The following PAQR5 variants were observed in gnomAD, a reference collection of about 807,000 sequenced individuals.
PAQR5 encodes the protein progestin and adipoQ receptor family member 5, also known as membrane progestin receptor gamma.
Under a neutral mutation model 34.5 loss-of-function variants are expected in PAQR5, and 20 were observed. That is an observed-to-expected ratio of 0.58 (90% confidence interval 0.41 to 0.84). The LOEUF (loss-of-function observed/expected upper bound fraction) is 0.84, where lower values mean the gene tolerates loss of function less well. Ranked by LOEUF, PAQR5 falls within the 40% of genes least tolerant of loss-of-function variation. The pLI, the probability that PAQR5 is intolerant of heterozygous loss-of-function variation, is 0.00. For synonymous variants in PAQR5, 131 were observed against 155.6 expected, an observed-to-expected ratio of 0.84 and a Z score of 1.18; for missense variants, 378 against 412.7, an observed-to-expected ratio of 0.92 and a Z score of 0.73.
intron 1 of PAQR5, among the ~76,000 whole-genome samples, chr15:69,319,848 C>A (rs1014434345): frequency 1.3e-5 from 2 of 152,194 alleles, no homozygotes; most frequent in Non-Finnish European, 1.5e-5. Flanking sequence ...GGTTGCATGG[C>A]CTCCTCCAGG....
At chr15:69,334,120 C>T (rs990630488) in intron 1 of PAQR5, among the ~76,000 whole-genome samples, 5 of 152,132 alleles carry the variant, frequency 3.3e-5, no homozygotes, top group African/African-American at 1.2e-4. Flanking sequence ...CTCCACCTCC[C>T]GGGTTCAAGT....
rs1409076524 is a variant in PAQR5, at chr15:69,407,255, G to A, written c.*3433G>A. The A allele has an allele frequency of 2.0e-5, 3 of 152,158 alleles. No homozygotes were observed. The highest frequency in any genetic ancestry group is 7.2e-5 in the African/African-American group (3 of 41,422). 9.4% of individuals were successfully genotyped at this position (152,158 alleles called of 1,614,324 possible). ...AGGCTTCAGTGATCTTTCCACCTCA[G>A]CCTCCTGAGTAGCTGGGACTACAGG... On this transcript the variant is annotated 3_prime_UTR_variant, in exon 9 of 9. Coordinates refer to ENST00000395407, the MANE Select transcript of PAQR5 (RefSeq NM_017705.4).
At chr15:69,395,836 C>G (rs560741621) in intron 6 of PAQR5, among the ~76,000 whole-genome samples, 2 of 152,104 alleles carry the variant, frequency 1.3e-5, no homozygotes, top group East Asian at 3.9e-4. Context: ...TGGTACATGC[C>G]ATGTACCATG....
intron 1 of PAQR5, among the ~76,000 whole-genome samples, chr15:69,325,889 C>T (rs911653876): frequency 1.3e-5 from 2 of 152,150 alleles, no homozygotes; most frequent in African/African-American, 2.4e-5. Context: ...CCACATCATC[C>T]CATGAACCTG....
chr15:69,308,999 A>T (rs920895208), intron 1 of PAQR5, among the ~76,000 whole-genome samples: 1 of 152,198 alleles, frequency 6.6e-6, no homozygotes, highest in Non-Finnish European at 1.5e-5. Flanking sequence ...AATGAAACCA[A>T]CTAGAAGCTG....
chr15:69,307,552 G>A (rs919189373), intron 1 of PAQR5, among the ~76,000 whole-genome samples: 4 of 152,218 alleles, frequency 2.6e-5, no homozygotes, highest in Admixed American at 2.6e-4. Context: ...ATGAGGCCCT[G>A]AGGGTAGGAG....
chr15:69,324,328 C>A (rs891167455), intron 1 of PAQR5, among the ~76,000 whole-genome samples: 16 of 152,068 alleles, frequency 1.1e-4, no homozygotes, highest in African/African-American at 3.9e-4. Flanking sequence ...GGGCAGAAGG[C>A]ACAGGAGAGA....
chr15:69,380,793 C>T (rs1053498626), intron 4 of PAQR5, among the ~76,000 whole-genome samples: 1 of 152,186 alleles, frequency 6.6e-6, no homozygotes, highest in East Asian at 1.9e-4. Flanking sequence ...CACCACTGGT[C>T]GATGTAGACA....
rs1360531654 is a variant in PAQR5, at chr15:69,322,811, G to GGAAGAAGAAGAAGAAGAAGAAGAAGAA, written c.-276-14504_-276-14503insAGAAGAAGAAGAAGAAGAAGAAGAAGA. Among the ~76,000 whole-genome samples the GGAAGAAGAAGAAGAAGAAGAAGAAGAA allele has an allele frequency of 1.5e-3, 39 of 25,366 alleles. 9 individuals are homozygous for GGAAGAAGAAGAAGAAGAAGAAGAAGAA. The highest frequency in any genetic ancestry group is 3.1e-3 in the African/African-American group (34 of 10,836). 16.6% of individuals were successfully genotyped at this position (25,366 alleles called of 152,430 possible). A position where few individuals can be genotyped will look rare whatever the true frequency, so the allele number is the denominator to read the frequency against. ...ACGAGGAAGAAGAAGAAGAGGAAGA[G>GGAAGAAGAAGAAGAAGAAGAAGAAGAA]GAAGAAGAAGAAGAAGAAGAAGAAG... is the stretch of plus-strand genomic sequence containing the variant. On this transcript the variant is annotated intron_variant, in intron 1 of 8. Coordinates refer to ENST00000395407, the MANE Select transcript of PAQR5 (RefSeq NM_017705.4).
At chr15:69,326,635 C>T (rs1338872309) in intron 1 of PAQR5, among the ~76,000 whole-genome samples, 3 of 152,138 alleles carry the variant, frequency 2.0e-5, no homozygotes, top group Admixed American at 6.5e-5. Context: ...CGGGGTTTTG[C>T]CATGTTGGCC....
chr15:69,321,953 C>T (rs965047534), intron 1 of PAQR5, among the ~76,000 whole-genome samples: 2 of 152,090 alleles, frequency 1.3e-5, no homozygotes. Context: ...ATGATAGATA[C>T]CCTTGTACTG....
chr15:69,323,984 C>CGTAA (rs1566998884), intron 1 of PAQR5, among the ~76,000 whole-genome samples: 1 of 152,004 alleles, frequency 6.6e-6, no homozygotes, highest in African/African-American at 2.4e-5. Flanking sequence ...TGGATGTGGC[C>CGTAA]GTAAGTTACC....
At chr15:69,394,389 T>C (rs1464393688) in intron 6 of PAQR5, among the ~76,000 whole-genome samples, 1 of 152,162 alleles carries the variant, frequency 6.6e-6, no homozygotes, top group Admixed American at 6.5e-5. Flanking sequence ...TCTACATCCC[T>C]GCAGTTCTCC....
At chr15:69,371,543 G>A (rs945625561) in intron 3 of PAQR5, among the ~76,000 whole-genome samples, 1 of 152,050 alleles carries the variant, frequency 6.6e-6, no homozygotes, top group African/African-American at 2.4e-5. Flanking sequence ...AAACAGTAGG[G>A]TTTTACTTAG....
At chr15:69,336,700 T>C (rs998670236) in intron 1 of PAQR5, among the ~76,000 whole-genome samples, 5 of 152,174 alleles carry the variant, frequency 3.3e-5, no homozygotes, top group Admixed American at 2.6e-4. Flanking sequence ...ACTCTGGAGA[T>C]TGTGACTTTA....
intron 4 of PAQR5, among the ~76,000 whole-genome samples, chr15:69,380,983 C>T (rs2140919645): frequency 6.6e-6 from 1 of 152,200 alleles, no homozygotes; most frequent in Non-Finnish European, 1.5e-5. Context: ...AGACCCGGGG[C>T]CAAAATGCAG....
chr15:69,322,832 A>AGAAGAAGAAGAAGAAGAG lies in PAQR5; in HGVS notation c.-276-14504_-276-14503insAGAAGAAGAAGAGGAAGA, dbSNP rs1297952069. Among the ~76,000 whole-genome samples the AGAAGAAGAAGAAGAAGAG allele has an allele frequency of 2.4e-3, 185 of 78,524 alleles. 45 individuals are homozygous for AGAAGAAGAAGAAGAAGAG. The highest frequency in any genetic ancestry group is 4.6e-3 in the Non-Finnish European group (135 of 29,360). The allele number at this position is 78,524 out of a possible 152,430, so 51.5% of individuals were successfully genotyped here. ...AAGAGGAAGAAGAAGAAGAAGAAGA[A>AGAAGAAGAAGAAGAAGAG]GAAGAGGAAGAAGAAGAGGAATTAT... On this transcript the variant is annotated intron_variant, in intron 1 of 8. Coordinates refer to ENST00000395407, the MANE Select transcript of PAQR5 (RefSeq NM_017705.4).
chr15:69,399,676 T>G (rs1318626922), intron 7 of PAQR5, among the ~76,000 whole-genome samples: 2 of 152,252 alleles, frequency 1.3e-5, no homozygotes, highest in East Asian at 1.9e-4. Context: ...TTCTCTCCGA[T>G]TCAGTTAAGT....
intron 3 of PAQR5, among the ~76,000 whole-genome samples, chr15:69,375,327 A>G (rs552494005): frequency 3.9e-4 from 59 of 152,162 alleles, no homozygotes; most frequent in African/African-American, 1.4e-3. Context: ...CTTGTGAGGG[A>G]CACCAGGCAG....
Sources: allele counts gnomAD v4.1 joint callset (sites outside exome capture counted in the v4.1 genomes callset), GRCh38; gene constraint gnomAD v4.1.1; transcripts MANE v1.5; gene names NCBI Gene and HGNC (gene_info 2026-07-23, HGNC 2026-07-21).